Variants in CNKSR2 observed in about 807,000 individuals in gnomAD.
CNKSR2 encodes connector enhancer of kinase suppressor of Ras 2, also known as CNK homolog protein 2.
Under a neutral mutation model 84.4 loss-of-function variants are expected in CNKSR2, and 14 were observed. The observed-to-expected ratio is 0.17, with a 90% CI of 0.11 to 0.26. The LOEUF is 0.26. Ranked by LOEUF, CNKSR2 falls within the 10% of genes least tolerant of loss-of-function variation. CNKSR2 has a pLI of 1.00. For synonymous variants in CNKSR2, 275 were observed against 277.9 expected (o/e 0.99, Z 0.10); for missense variants, 485 against 771.2 (o/e 0.63, Z 4.40).
intron 9 of CNKSR2, among the ~76,000 whole-genome samples, chrX:21,525,594 C>T (rs1468203245): frequency 3.6e-5 from 4 of 110,515 alleles, no homozygotes; most frequent in Non-Finnish European, 5.7e-5. Context: ...AGGTCAAAAC[C>T]GTGAACTGAG....
At chrX:21,511,921 C>T (rs1273313092) in intron 8 of CNKSR2, among the ~76,000 whole-genome samples, 4 of 111,215 alleles carry the variant, frequency 3.6e-5, no homozygotes, top group African/African-American at 1.3e-4. Flanking sequence ...TTGGCTTAAA[C>T]TCATTGGAAA....
At chrX:21,562,177 C>T (rs977120610) in intron 12 of CNKSR2, among the ~76,000 whole-genome samples, 4 of 110,933 alleles carry the variant, frequency 3.6e-5, no homozygotes, top group African/African-American at 1.3e-4. Flanking sequence ...TAGAGAGCAA[C>T]TGAAAGTTTC....
chrX:21,586,342 G>C (rs957677896), intron 13 of CNKSR2, among the ~76,000 whole-genome samples: 12 of 111,702 alleles, frequency 1.1e-4, no homozygotes, highest in African/African-American at 3.9e-4. Context: ...GAATTCCTAG[G>C]TGTCTACAAG....
intron 7 of CNKSR2, among the ~76,000 whole-genome samples, chrX:21,499,703 T>C (rs951684418): frequency 2.7e-5 from 3 of 110,744 alleles, no homozygotes; most frequent in African/African-American, 6.5e-5. Context: ...AGATCTGTCT[T>C]GAGTCTTAGT....
At chrX:21,431,902 C>G (rs184204088) in intron 2 of CNKSR2, among the ~76,000 whole-genome samples, 15 of 111,592 alleles carry the variant, frequency 1.3e-4, no homozygotes, top group African/African-American at 4.9e-4. Flanking sequence ...AATACACTTA[C>G]CAAAAAGTCA....
intron 1 of CNKSR2, among the ~76,000 whole-genome samples, chrX:21,394,439 A>G (rs887094714): frequency 4.5e-5 from 5 of 111,787 alleles, no homozygotes; most frequent in African/African-American, 6.5e-5. Context: ...TCTTTTTCTA[A>G]CAGCTGTATT....
At chrX:21,467,596 C>T (rs866986164) in intron 4 of CNKSR2, among the ~76,000 whole-genome samples, 7 of 111,570 alleles carry the variant, frequency 6.3e-5, no homozygotes, top group South Asian at 3.7e-4. Context: ...ACTTTACATA[C>T]GTAAGTGCTA....
chrX:21,440,389 A>G (rs1015398303), intron 3 of CNKSR2, among the ~76,000 whole-genome samples: 9 of 111,646 alleles, frequency 8.1e-5, no homozygotes, highest in Non-Finnish European at 1.7e-4. Flanking sequence ...ATCTTTGCCT[A>G]AAGTATTCCT....
intron 1 of CNKSR2, among the ~76,000 whole-genome samples, chrX:21,378,760 A>C (rs2089856576): frequency 9.0e-6 from 1 of 111,173 alleles, no homozygotes; most frequent in East Asian, 2.8e-4. Flanking sequence ...AGTAATCTTT[A>C]ATCTCTCTGG....
intron 7 of CNKSR2, 64 bp from the exon 8 acceptor site, chrX:21,501,456 T>C: frequency 1.5e-6 from 1 of 675,604 alleles, no homozygotes; most frequent in Non-Finnish European, 2.2e-6. Context: ...TTGTAGTGTT[T>C]CCAGAGACAG....
intron 18 of CNKSR2, among the ~76,000 whole-genome samples, chrX:21,601,716 G>T (rs748565904): frequency 1.2e-4 from 14 of 112,224 alleles, no homozygotes; most frequent in Middle Eastern, 4.6e-3. Context: ...GGCCTTTTAT[G>T]CAAAGAAATG....
At chrX:21,396,482 A>C (rs2090123854) in intron 1 of CNKSR2, among the ~76,000 whole-genome samples, 1 of 111,026 alleles carries the variant, frequency 9.0e-6, no homozygotes, top group Admixed American at 9.6e-5. Flanking sequence ...TTCTTAGTGA[A>C]ATTTATGCCT....
chrX:21,470,690 G>T, intron 4 of CNKSR2, 76 bp from the exon 5 acceptor site: 1 of 499,122 alleles, frequency 2.0e-6, no homozygotes, highest in South Asian at 4.0e-5. Context: ...TAAAATTATA[G>T]TATAATTTCT....
At chrX:21,431,449 TAAAA>T (rs918426220) in intron 2 of CNKSR2, among the ~76,000 whole-genome samples, 2 of 111,156 alleles carry the variant, frequency 1.8e-5, no homozygotes, top group African/African-American at 6.5e-5. Context: ...AGCAAACTGT[TAAAA>T]AAGAAATCTT....
At chrX:21,596,154 A>C (rs2092449806) in intron 17 of CNKSR2, among the ~76,000 whole-genome samples, 1 of 111,622 alleles carries the variant, frequency 9.0e-6, no homozygotes, top group Non-Finnish European at 1.9e-5. Flanking sequence ...CTTTGCAACC[A>C]GACTCTCTAA....
chrX:21,609,744 G>C, intron 20 of CNKSR2, 127 bp downstream of exon 20: 5 of 916,894 alleles, frequency 5.5e-6, no homozygotes, highest in Non-Finnish European at 7.2e-6. Flanking sequence ...TATATAGTAA[G>C]TTAGGTCTCC....
chrX:21,542,973 A>G (rs1469696091), intron 11 of CNKSR2, among the ~76,000 whole-genome samples: 2 of 112,231 alleles, frequency 1.8e-5, no homozygotes, highest in African/African-American at 6.5e-5. Flanking sequence ...ATACCTGAAC[A>G]TTTTCTACCT....
intron 1 of CNKSR2, among the ~76,000 whole-genome samples, chrX:21,400,782 A>G (rs928516018): frequency 9.0e-6 from 1 of 111,650 alleles, no homozygotes; most frequent in Non-Finnish European, 1.9e-5. Context: ...TGTTGCCTGA[A>G]TGAAAAACCA....
At chrX:21,583,561 T>C (rs1334455561) in intron 13 of CNKSR2, among the ~76,000 whole-genome samples, 1 of 111,750 alleles carries the variant, frequency 8.9e-6, no homozygotes, top group Non-Finnish European at 1.9e-5. Flanking sequence ...AAAGAAGCTA[T>C]TGGTTTGACT....
Sources: gnomAD v4.1 joint callset for allele counts (sites outside exome capture counted in the v4.1 genomes callset) on GRCh38, gnomAD v4.1.1 for gene constraint, MANE v1.5 for transcripts, NCBI Gene and HGNC (gene_info 2026-07-23, HGNC 2026-07-21) for gene names.